XPR1: variants seen among roughly 807,000 people sequenced by gnomAD.
XPR1 encodes the protein solute carrier family 53 member 1.
In XPR1, 28 loss-of-function variants were observed where a neutral mutation model predicts 87.5. The ratio of observed to expected loss-of-function variants is 0.32; its 90% CI spans 0.24 to 0.44. The LOEUF (loss-of-function observed/expected upper bound fraction) is 0.44. Among genes scored for constraint, XPR1 ranks in the 20% least tolerant of loss-of-function variants. The probability of loss-of-function intolerance (pLI) is 1.00; values close to 1 mark genes in which losing one functional copy is unlikely to be tolerated. For missense variants in XPR1, 559 were observed against 862.3 expected (o/e 0.65, Z 4.41); for synonymous variants, 300 against 306.1 (o/e 0.98, Z 0.21).
In XPR1 at chr1:180,873,914, A is replaced by G. The variant is rs759222768; in HGVS notation, c.1780A>G (p.Thr594Ala). ...LLPHSGDIIA[T>A]VFAPLEVFRR... is the part of the protein sequence containing the mutation. ...GCCTCATTCTGGGGACATCATTGCT[A>G]CTGTCTTTGCCCCACTTGAGGTTTT... Residue 594 changes from threonine (T) to alanine (A), a missense_variant, in exon 13 of 15, where the codon ACT becomes GCT. Around this residue, in one of 7 missense-constraint regions of XPR1, gnomAD observed 264 missense variants for 377.2 expected, o/e 0.70. Transcript: ENST00000367590. The G allele has an allele frequency of 1.1e-5, 17 of 1,613,968 alleles. No homozygotes were observed. Among genetic ancestry groups the G allele is most frequent in the Non-Finnish European group, 1.4e-5 (16 of 1,180,002 alleles).
At chr1:180,793,107 G>C (rs544592595) in intron 3 of XPR1, among the ~76,000 whole-genome samples, 2 of 152,186 alleles carry the variant, frequency 1.3e-5, no homozygotes, top group South Asian at 4.1e-4. Flanking sequence ...AAAAAGGAAG[G>C]AAAGGAGGGA....
intron 7 of XPR1, among the ~76,000 whole-genome samples, chr1:180,816,681 A>C (rs950893174): frequency 1.4e-4 from 21 of 152,240 alleles, no homozygotes; most frequent in Non-Finnish European, 2.9e-4. Flanking sequence ...CCATCATAGC[A>C]TAACACATTA....
At chr1:180,816,101 G>C (rs1396828118) in intron 7 of XPR1, among the ~76,000 whole-genome samples, 1 of 152,192 alleles carries the variant, frequency 6.6e-6, no homozygotes, top group African/African-American at 2.4e-5. Flanking sequence ...AATGGTGGGA[G>C]TGAAAATGGA....
intron 2 of XPR1, among the ~76,000 whole-genome samples, chr1:180,742,225 G>A (rs1210107258): frequency 1.3e-5 from 2 of 151,980 alleles, no homozygotes; most frequent in African/African-American, 4.8e-5. Context: ...TTTTCTTAAA[G>A]TGGAAGCTTA....
chr1:180,882,302 T>G (rs777237732), intron 14 of XPR1, among the ~76,000 whole-genome samples: 1 of 152,228 alleles, frequency 6.6e-6, no homozygotes, highest in Non-Finnish European at 1.5e-5. Context: ...GTTTCAGTAC[T>G]GACTTTATCA....
At chr1:180,720,723 C>T (rs1397734943) in intron 2 of XPR1, among the ~76,000 whole-genome samples, 4 of 152,054 alleles carry the variant, frequency 2.6e-5, no homozygotes, top group South Asian at 2.1e-4. Context: ...GGTGTTTTAA[C>T]GAGGTCTTCA....
Position 180,880,139 on chromosome 1 carries a change from T to A in XPR1, c.1872T>A (p.Arg624=). The change falls in exon 14 of 15, where the codon CGT becomes CGA. Residue 624 remains arginine, a synonymous_variant. Coordinates refer to ENST00000367590, the MANE Select transcript of XPR1 (RefSeq NM_004736.4). Reference sequence around the variant, plus strand: ...ATCTGAATAACTGTGGTGAATTCCGTGCTGTGCGGGACATCTCTGTGGCCC... The same window carrying A: ...ATCTGAATAACTGTGGTGAATTCCGAGCTGTGCGGGACATCTCTGTGGCCC... ...NEHLNNCGEF[R]AVRDISVAPL... 1.2e-6 allele frequency: 2 copies of A among 1,614,202 alleles called. No homozygotes were observed. The highest frequency in any genetic ancestry group is 1.1e-5 in the South Asian group (1 of 91,084).
At chr1:180,669,468 C>T (rs1264383507) in intron 1 of XPR1, among the ~76,000 whole-genome samples, 4 of 152,004 alleles carry the variant, frequency 2.6e-5, no homozygotes, top group Non-Finnish European at 4.4e-5. Flanking sequence ...CTGCAACCTC[C>T]GCCTTCCGGG....
intron 11 of XPR1, among the ~76,000 whole-genome samples, chr1:180,855,084 G>A (rs1651984620): frequency 6.6e-6 from 1 of 152,160 alleles, no homozygotes; most frequent in South Asian, 2.1e-4. Flanking sequence ...AAATGCTGAT[G>A]TGAGATCTTT....
At chr1:180,663,172 T>C (rs1655835660) in intron 1 of XPR1, among the ~76,000 whole-genome samples, 1 of 152,238 alleles carries the variant, frequency 6.6e-6, no homozygotes, top group African/African-American at 2.4e-5. Context: ...TTTTCCTGGA[T>C]GTCTTGAGTT....
chr1:180,683,447 G>A (rs1656654667), intron 2 of XPR1, among the ~76,000 whole-genome samples: 1 of 152,112 alleles, frequency 6.6e-6, no homozygotes, highest in Non-Finnish European at 1.5e-5. Flanking sequence ...TGTCTTTATA[G>A]CAGCGTGATT....
chr1:180,685,374 T>C (rs1656728990), intron 2 of XPR1, among the ~76,000 whole-genome samples: 1 of 152,248 alleles, frequency 6.6e-6, no homozygotes, highest in South Asian at 2.1e-4. Flanking sequence ...GATGTGCTGC[T>C]GGATTTGGTT....
chr1:180,850,970 A>G (rs1651847675), intron 11 of XPR1, among the ~76,000 whole-genome samples: 2 of 152,010 alleles, frequency 1.3e-5, no homozygotes, highest in African/African-American at 4.8e-5. Flanking sequence ...TTAAAAAAAA[A>G]AAAAAAAAGG....
intron 14 of XPR1, among the ~76,000 whole-genome samples, chr1:180,881,640 T>C (rs1450685484): frequency 6.6e-6 from 1 of 152,192 alleles, no homozygotes; most frequent in Non-Finnish European, 1.5e-5. Context: ...ATCAGGATGC[T>C]TACTGTTGGA....
At position 180,701,675 on chromosome 1, in the gene XPR1, TC is replaced by T. The variant is rs1414691519; in HGVS notation, c.121+19265del. Among the ~76,000 whole-genome samples, 8 of 136,400 alleles carry T rather than the reference TC, an allele frequency of 5.9e-5. 1 individual carries two copies. The East Asian group carries it at 1.4e-3, about 24-fold the overall frequency. 89.5% of individuals were successfully genotyped at this position (136,400 alleles called of 152,430 possible). A position where few individuals can be genotyped will look rare whatever the true frequency, so the allele number is the denominator to read the frequency against. On this transcript the variant is annotated intron_variant, in intron 2 of 14. Coordinates refer to ENST00000367590, the MANE Select transcript of XPR1 (RefSeq NM_004736.4). ...TTCATCAAGGATATTGGTCTAAAAT[TC>T]TCTTTTTTGGTTGTGTCTCTGCCCG... is the stretch of plus-strand genomic sequence containing the variant.
intron 1 of XPR1, among the ~76,000 whole-genome samples, chr1:180,635,328 CT>C (rs972571662): frequency 5.3e-5 from 8 of 152,030 alleles, no homozygotes; most frequent in Non-Finnish European, 1.2e-4. Context: ...TTTGTAAGAG[CT>C]TTTTTAAAAT....
At position 180,673,601 on chromosome 1, in the gene XPR1, G is replaced by T. The variant is rs1013735836; in HGVS notation, c.70-8759G>T. 2.0e-5 allele frequency among the ~76,000 whole-genome samples: 3 copies of T among 152,176 alleles called. No homozygotes were observed. In the East Asian group the frequency reaches 5.8e-4, roughly 29 times the overall value. ...CAGTGTGTATTACCGCCTGAGCTCT[G>T]CCTCCCATCACATCAGCAACGGCGT... On this transcript the variant is annotated intron_variant, in intron 1 of 14. Coordinates refer to ENST00000367590, the MANE Select transcript of XPR1 (RefSeq NM_004736.4).
chr1:180,667,105 G>A (rs1040588651), intron 1 of XPR1, among the ~76,000 whole-genome samples: 8 of 152,088 alleles, frequency 5.3e-5, no homozygotes, highest in African/African-American at 1.7e-4. Flanking sequence ...TGTAGAGACA[G>A]GGTTTCATTA....
chr1:180,790,155 A>G (rs939605906), intron 3 of XPR1, among the ~76,000 whole-genome samples: 4 of 152,086 alleles, frequency 2.6e-5, no homozygotes, highest in African/African-American at 9.7e-5. Context: ...ATGCCTATAG[A>G]CATTCTCATC....
Sources: allele counts gnomAD v4.1 joint callset (sites outside exome capture counted in the v4.1 genomes callset), GRCh38; gene constraint gnomAD v4.1.1; regional missense constraint gnomAD v4.1.1; transcripts MANE v1.5; gene names NCBI Gene and HGNC (gene_info 2026-07-23, HGNC 2026-07-21).